The following USP3 variants were observed in gnomAD, a reference collection of about 807,000 sequenced individuals.
USP3 encodes the protein ubiquitin carboxyl-terminal hydrolase 3.
In USP3, 20 loss-of-function variants were observed where a neutral mutation model predicts 72.3. That is an observed-to-expected ratio of 0.28 (90% CI 0.19 to 0.40). The LOEUF (loss-of-function observed/expected upper bound fraction) is 0.40. USP3 is among the 10% of genes least tolerant of loss of function. The pLI, the probability that USP3 is intolerant of heterozygous loss-of-function variation, is 1.00. For missense variants in USP3, 479 were observed against 633.9 expected (o/e 0.76, Z 2.62); for synonymous variants, 222 against 225.3 (o/e 0.99, Z 0.13).
rs766506303 is a variant in USP3 at position 63,574,273 on chromosome 15, G to A, written c.1016-50G>A. On this transcript the variant is annotated intron_variant, in intron 10 of 14. Coordinates refer to ENST00000380324, the MANE Select transcript of USP3 (RefSeq NM_006537.4). The surrounding 1 kb of genome is among the most constrained non-coding windows in gnomAD (Gnocchi z 4.6). ...ATCAGTTTGTGAAATTATTTTGAAT[G>A]GACATATATGCCTTTAACAGCTCTC... 3.4e-6 allele frequency: 5 copies of A among 1,479,272 alleles called. No individual in the cohort carries two copies. The South Asian group carries it at 5.7e-5, about 17-fold the overall frequency. 91.6% of individuals were successfully genotyped at this position (1,479,272 alleles called of 1,614,324 possible).
At chr15:63,565,681 CT>C (rs890318737) in intron 8 of USP3, among the ~76,000 whole-genome samples, 4 of 152,044 alleles carry the variant, frequency 2.6e-5, no homozygotes, top group African/African-American at 2.4e-5. Flanking sequence ...GATGTATCAT[CT>C]TTTTTTCCCC....
intron 1 of USP3, among the ~76,000 whole-genome samples, chr15:63,510,930 G>A (rs2065772417): frequency 6.6e-6 from 1 of 152,074 alleles, no homozygotes. Flanking sequence ...CTTTGGGGTC[G>A]TTGAATGAAC....
intron 4 of USP3, among the ~76,000 whole-genome samples, chr15:63,554,016 C>T (rs1393847265): frequency 6.6e-6 from 1 of 152,066 alleles, no homozygotes; most frequent in Admixed American, 6.5e-5. Context: ...TTGTCATAAA[C>T]CATATCCAAG....
rs1007470196 is a variant in USP3, at chr15:63,570,293, C to T, written c.762-140C>T. The T allele has an allele frequency of 1.4e-5, 15 of 1,090,456 alleles. No homozygotes were observed. Among genetic ancestry groups the T allele is most frequent in the Admixed American group, 1.1e-4 (4 of 36,568 alleles). The allele number at this position is 1,090,456 out of a possible 1,614,324, so 67.5% of individuals were successfully genotyped here. On this transcript the variant is annotated intron_variant, in intron 8 of 14. Coordinates refer to ENST00000380324, the MANE Select transcript of USP3 (RefSeq NM_006537.4). The surrounding 1 kb of genome is among the most constrained non-coding windows in gnomAD (Gnocchi z 4.4). ...GAAATTCTGTCACCTGTGGAGCTTT[C>T]GGGCATGAAGGTGAGGAAGCCTGGC...
chr15:63,563,126 T>C (rs1259714330), intron 8 of USP3, 118 bp downstream of exon 8: 1 of 678,304 alleles, frequency 1.5e-6, no homozygotes, highest in African/African-American at 1.9e-5. Context: ...ACTGGTTTGG[T>C]GTTTTTTTCT....
intron 1 of USP3, among the ~76,000 whole-genome samples, chr15:63,514,504 G>A (rs1309494918): frequency 6.6e-6 from 1 of 151,990 alleles, no homozygotes; most frequent in Non-Finnish European, 1.5e-5. Flanking sequence ...AATAAGTCCC[G>A]TTGATTTTAA....
intron 4 of USP3, among the ~76,000 whole-genome samples, chr15:63,555,776 C>G (rs1225188732): frequency 6.6e-6 from 1 of 152,180 alleles, no homozygotes; most frequent in East Asian, 1.9e-4. Context: ...AAGAGAGAGA[C>G]ACACAGTTCT....
In USP3 at chr15:63,553,431, G is replaced by C. The variant is rs1381890326; in HGVS notation, c.285-284G>C. On this transcript the variant is annotated intron_variant, in intron 3 of 14. Coordinates refer to ENST00000380324, the MANE Select transcript of USP3 (RefSeq NM_006537.4). This position sits in a 1 kb window ranked among gnomAD's most constrained non-coding sequence, Gnocchi z 4.2. The stretch of plus-strand genomic sequence containing the variant: ...TCCATGTATTAGGCACCACTAAAAA[G>C]AATGTAACACATGTAGCAGCTTATT... 1 of 230,980 alleles carries C rather than the reference G, an allele frequency of 4.3e-6. No individual in the cohort carries two copies. Among genetic ancestry groups the C allele is most frequent in the Non-Finnish European group, 8.3e-6 (1 of 119,932 alleles). 14.3% of individuals were successfully genotyped at this position (230,980 alleles called of 1,614,324 possible). A position where few individuals can be genotyped will look rare whatever the true frequency, so the allele number is the denominator to read the frequency against.
At chr15:63,587,560 A>C (rs1479641604) in intron 11 of USP3, 1 of 152,252 alleles carries the variant, frequency 6.6e-6, no homozygotes, top group Non-Finnish European at 1.5e-5. Context: ...GTTGCTTCAC[A>C]TAAGGTCACA....
At chr15:63,590,189 C>A (rs1243441108) in intron 14 of USP3, among the ~76,000 whole-genome samples, 6 of 152,082 alleles carry the variant, frequency 3.9e-5, no homozygotes, top group African/African-American at 1.2e-4. Context: ...TAGGGTTTTC[C>A]TGGCACCTAC....
At chr15:63,527,814 C>G (rs2066007560) in intron 1 of USP3, 1 of 152,204 alleles carries the variant, frequency 6.6e-6, no homozygotes, top group Admixed American at 6.5e-5. Context: ...CACTTTTGGC[C>G]TCTAGGTCAC....
chr15:63,574,529 TC>T lies in USP3; in HGVS notation c.1096+127del. ...AATCTGTGTTGTAACTTAACAAAAG[TC>T]AAACTTGAATGTCTTTTCCTACTCC... On this transcript the variant is annotated intron_variant, in intron 11 of 14. Coordinates refer to ENST00000380324, the MANE Select transcript of USP3 (RefSeq NM_006537.4). The surrounding 1 kb of genome is among the most constrained non-coding windows in gnomAD (Gnocchi z 4.6). The T allele has an allele frequency of 1.5e-6, 1 of 668,328 alleles. No homozygotes were observed. Among genetic ancestry groups the T allele is most frequent in the Admixed American group, 4.0e-5 (1 of 25,292 alleles). 41.4% of individuals were successfully genotyped at this position (668,328 alleles called of 1,614,324 possible). A position where few individuals can be genotyped will look rare whatever the true frequency, so the allele number is the denominator to read the frequency against.
chr15:63,583,024 G>A (rs1429505655), intron 11 of USP3, among the ~76,000 whole-genome samples: 1 of 152,126 alleles, frequency 6.6e-6, no homozygotes, highest in Non-Finnish European at 1.5e-5. Context: ...AATACCACCT[G>A]CCAACTCAGT....
chr15:63,531,249 G>C (rs1595718710), intron 1 of USP3, among the ~76,000 whole-genome samples: 1 of 152,132 alleles, frequency 6.6e-6, no homozygotes, highest in Non-Finnish European at 1.5e-5. Flanking sequence ...CATTAATGAG[G>C]GAACCAGTAG....
intron 8 of USP3, among the ~76,000 whole-genome samples, chr15:63,568,130 G>A (rs1004258604): frequency 1.3e-5 from 2 of 152,072 alleles, no homozygotes; most frequent in Admixed American, 6.5e-5. Flanking sequence ...CGAGGCGGGC[G>A]GATCACGAGT....
intron 5 of USP3, 89 bp downstream of exon 5, chr15:63,556,837 A>G: frequency 1.1e-6 from 1 of 916,476 alleles, no homozygotes; most frequent in Non-Finnish European, 1.6e-6. Context: ...GTTACCTGTT[A>G]CAGACTTTTA....
chr15:63,544,617 G>T lies in USP3; in HGVS notation c.284+7461G>T. On this transcript the variant is annotated intron_variant, in intron 3 of 14. Transcript: ENST00000380324. The surrounding 1 kb of genome is among the most constrained non-coding windows in gnomAD (Gnocchi z 4.2). Reference sequence around the variant, plus strand: ...CAAGAAAACGATTGAGCCATGCTGTGTGTTTTCATTTTTGGAGAATGGGGG... The same window carrying T: ...CAAGAAAACGATTGAGCCATGCTGTTTGTTTTCATTTTTGGAGAATGGGGG... 1.4e-6 allele frequency: 1 copy of T among 691,110 alleles called. No homozygotes were observed. Among genetic ancestry groups the T allele is most frequent in the Admixed American group, 2.1e-5 (1 of 48,488 alleles). The allele number at this position is 691,110 out of a possible 1,614,324, so 42.8% of individuals were successfully genotyped here. A position where few individuals can be genotyped will look rare whatever the true frequency, so the allele number is the denominator to read the frequency against.
intron 1 of USP3, among the ~76,000 whole-genome samples, chr15:63,525,404 G>C (rs2065967701): frequency 6.6e-6 from 1 of 152,178 alleles, no homozygotes; most frequent in Non-Finnish European, 1.5e-5. Flanking sequence ...CTGTTGCCCT[G>C]TTCCCTGGGA....
intron 1 of USP3, among the ~76,000 whole-genome samples, chr15:63,531,344 A>C (rs1248129765): frequency 2.7e-5 from 4 of 150,646 alleles, no homozygotes; most frequent in African/African-American, 9.6e-5. Flanking sequence ...TAAAATTGGT[A>C]GGTTAGATAC....
Sources: gnomAD v4.1 joint callset for allele counts (sites outside exome capture counted in the v4.1 genomes callset) on GRCh38, gnomAD v4.1.1 for gene constraint, Gnocchi (gnomAD v3.1) non-coding constraint, MANE v1.5 for transcripts, NCBI Gene and HGNC (gene_info 2026-07-23, HGNC 2026-07-21) for gene names.